Variants in WDFY4 observed in about 807,000 individuals in gnomAD.
WDFY4 encodes the protein WDFY family member 4, also known as WD repeat- and FYVE domain-containing protein 4.
In WDFY4, 169 loss-of-function variants were observed where a neutral mutation model predicts 351.9. That is an observed-to-expected ratio of 0.48 (90% CI 0.42 to 0.55). The LOEUF (loss-of-function observed/expected upper bound fraction) is 0.55. Ranked by LOEUF, WDFY4 falls within the 20% of genes least tolerant of loss-of-function variation. WDFY4 has a pLI of 0.00. For missense variants in WDFY4, 3,803 were observed against 3,935.6 expected (o/e 0.97, Z 0.90); for synonymous variants, 1,622 against 1,574.6 (o/e 1.03, Z -0.71).
intron 41 of WDFY4, 133 bp from the exon 42 acceptor site, chr10:48,874,956 T>C (rs1416885079): frequency 2.4e-6 from 1 of 418,924 alleles, no homozygotes; most frequent in East Asian, 4.0e-5. Flanking sequence ...TTCTCTCCCT[T>C]TGCATCTGAG....
rs541851008 is a variant in WDFY4, at chr10:48,790,102, G to T, written c.4066+117G>T. ...GGATGGAGTGTGCCAGGGAACCAGG[G>T]TCGGGAGGACCAGAGTTGGGAGTGA... is the stretch of plus-strand genomic sequence containing the variant. On this transcript the variant is annotated intron_variant, in intron 22 of 61. Transcript: ENST00000325239. The T allele has an allele frequency of 3.7e-5, 37 of 1,012,054 alleles. No individual in the cohort carries two copies. The African/African-American group carries it at 5.1e-4, about 14-fold the overall frequency. 62.7% of individuals were successfully genotyped at this position (1,012,054 alleles called of 1,614,324 possible).
At chr10:48,788,773 C>T in intron 21 of WDFY4, 98 bp downstream of exon 21, 2 of 1,458,140 alleles carry the variant, frequency 1.4e-6, no homozygotes, top group East Asian at 2.5e-5. Context: ...CATGTTTGCA[C>T]TTGTGTAGAT....
At chr10:48,977,328 C>A (rs189824185) in intron 59 of WDFY4, among the ~76,000 whole-genome samples, 8 of 152,202 alleles carry the variant, frequency 5.3e-5, no homozygotes, top group Non-Finnish European at 1.0e-4. Flanking sequence ...AACTTGCCCA[C>A]CCATCCACTA....
At chr10:48,747,944 A>G (rs2065063499) in intron 12 of WDFY4, among the ~76,000 whole-genome samples, 2 of 152,180 alleles carry the variant, frequency 1.3e-5, no homozygotes, top group Middle Eastern at 3.2e-3. Context: ...TTCTGTAGGT[A>G]TGGGAATGCC....
At chr10:48,829,700 A>G (rs886245010) in intron 37 of WDFY4, among the ~76,000 whole-genome samples, 2 of 152,146 alleles carry the variant, frequency 1.3e-5, no homozygotes. Flanking sequence ...AAATACAAAA[A>G]AATTAGCTGG....
chr10:48,846,503 T>C (rs1287901328), intron 39 of WDFY4, among the ~76,000 whole-genome samples: 1 of 152,240 alleles, frequency 6.6e-6, no homozygotes, highest in East Asian at 1.9e-4. Context: ...GCACAGGGCC[T>C]GAACTAGAGC....
chr10:48,735,501 C>A (rs557521488), intron 10 of WDFY4, among the ~76,000 whole-genome samples: 6 of 150,850 alleles, frequency 4.0e-5, no homozygotes, highest in Non-Finnish European at 7.4e-5. Flanking sequence ...ATTTTTTTTT[C>A]TTTTTTTACC....
intron 6 of WDFY4, among the ~76,000 whole-genome samples, chr10:48,726,935 G>T (rs1000295066): frequency 6.6e-6 from 1 of 152,104 alleles, no homozygotes; most frequent in African/African-American, 2.4e-5. Context: ...CACTCTGGTG[G>T]GGTAGCCAGT....
chr10:48,899,974 G>A (rs746446087), intron 45 of WDFY4, among the ~76,000 whole-genome samples: 9 of 152,228 alleles, frequency 5.9e-5, no homozygotes, highest in East Asian at 1.9e-4. Flanking sequence ...CCCTGGGAGT[G>A]GACCTTTCGC....
chr10:48,981,558 C>A, intron 61 of WDFY4, 80 bp downstream of exon 61: 1 of 1,369,604 alleles, frequency 7.3e-7, no homozygotes. Flanking sequence ...GGCTCTGAGT[C>A]CAGGCCACCT....
chr10:48,740,188 T>A (rs1334102704), intron 11 of WDFY4, among the ~76,000 whole-genome samples: 4 of 152,218 alleles, frequency 2.6e-5, no homozygotes, highest in Non-Finnish European at 5.9e-5. Flanking sequence ...TAAGATTTCC[T>A]TTGTGACGGA....
At chr10:48,889,108 C>CT (rs980939805) in intron 43 of WDFY4, among the ~76,000 whole-genome samples, 3 of 152,208 alleles carry the variant, frequency 2.0e-5, no homozygotes, top group Admixed American at 2.0e-4. Flanking sequence ...GGACTCTGGC[C>CT]TGGAAGGTGG....
chr10:48,862,425 T>G (rs933697785), intron 39 of WDFY4, among the ~76,000 whole-genome samples: 2 of 152,178 alleles, frequency 1.3e-5, no homozygotes, highest in Non-Finnish European at 2.9e-5. Context: ...GGCATTAGAC[T>G]CTCATAGGAG....
Position 48,877,070 on chromosome 10 carries a change from C to A in WDFY4, c.7038C>A (p.Asp2346Glu). 6.6e-7 allele frequency: 1 copy of A among 1,521,318 alleles called. No individual in the cohort carries two copies. The allele number at this position is 1,521,318 out of a possible 1,614,324, so 94.2% of individuals were successfully genotyped here. A position where few individuals can be genotyped will look rare whatever the true frequency, so the allele number is the denominator to read the frequency against. The change falls in exon 43 of 62, where the codon GAC becomes GAA. Residue 2346 changes from aspartate (D) to glutamate (E), a missense_variant. This residue lies in a region of WDFY4 where 3,054 missense variants were observed against 3,148.6 expected (regional missense o/e 0.97). Coordinates refer to ENST00000325239, the MANE Select transcript of WDFY4 (RefSeq NM_001394531.1). The part of the protein sequence containing the change: ...LTLREAEGEP[D>E]EVGVDCTQLT... ...TGAGGGAGGCTGAGGGCGAGCCGGA[C>A]GAGGTGGGGGTGGACTGCACCCAGC...
At chr10:48,864,029 C>T (rs55985624) in intron 39 of WDFY4, among the ~76,000 whole-genome samples, 5,244 of 152,200 alleles carry the variant, frequency 0.034, 151 homozygotes, top group African/African-American at 0.077. Context: ...CCCCTTGACA[C>T]GTGGAAATGA....
intron 1 of WDFY4, among the ~76,000 whole-genome samples, chr10:48,695,742 G>A (rs1188946604): frequency 6.6e-6 from 1 of 152,036 alleles, no homozygotes; most frequent in Admixed American, 6.5e-5. Context: ...AACCTGTGCT[G>A]TCTCCAACTC....
intron 60 of WDFY4, chr10:48,979,568 AGGATGGATGGATGGAT>A (rs5784784): frequency 9.0e-5 from 13 of 145,160 alleles, no homozygotes; most frequent in East Asian, 4.1e-4. Context: ...GATGGATGGA[AGGATGGATGGATGGAT>A]GGATGGATGG....
chr10:48,774,729 G>T (rs2065972932), intron 14 of WDFY4, 57 bp downstream of exon 14: 3 of 1,540,174 alleles, frequency 1.9e-6, no homozygotes, highest in Non-Finnish European at 2.6e-6. Flanking sequence ...CCTTTGCAGG[G>T]CAGGGGTTGC....
chr10:48,710,686 G>C (rs541765539), intron 2 of WDFY4, among the ~76,000 whole-genome samples: 1 of 152,194 alleles, frequency 6.6e-6, no homozygotes, highest in African/African-American at 2.4e-5. Context: ...CCAAGGCCTG[G>C]AAAAGCCAGA....
Sources: gnomAD v4.1 joint callset for allele counts (sites outside exome capture counted in the v4.1 genomes callset) on GRCh38, gnomAD v4.1.1 for gene constraint, gnomAD v4.1.1 regional missense constraint, MANE v1.5 for transcripts, NCBI Gene and HGNC (gene_info 2026-07-23, HGNC 2026-07-21) for gene names.